Variants in ZC2HC1B observed in about 807,000 individuals in gnomAD.
ZC2HC1B encodes the protein zinc finger C2HC-type containing 1B, also known as zinc finger C2HC domain-containing protein 1B.
Under a neutral mutation model 31.0 loss-of-function variants are expected in ZC2HC1B, and 36 were observed. The observed-to-expected ratio is 1.16, with a 90% CI of 0.89 to 1.54. The LOEUF is 1.54. ZC2HC1B is among the 40% of genes most tolerant of loss of function. The pLI is 0.00. For synonymous variants in ZC2HC1B, 73 were observed against 88.0 expected, an observed-to-expected ratio of 0.83 and a Z score of 0.95; for missense variants, 260 against 268.6, an observed-to-expected ratio of 0.97 and a Z score of 0.22.
chr6:143,903,210 T>C lies in ZC2HC1B; in HGVS notation c.598+58T>C. The C allele has an allele frequency of 6.8e-7, 1 of 1,467,296 alleles. No individual in the cohort carries two copies. The highest frequency in any genetic ancestry group is 9.3e-7 in the Non-Finnish European group (1 of 1,070,204). 90.9% of individuals were successfully genotyped at this position (1,467,296 alleles called of 1,614,324 possible). On this transcript the variant is annotated intron_variant, in intron 6 of 7. Coordinates refer to ENST00000237275, the MANE Select transcript of ZC2HC1B (RefSeq NM_001013623.3). This position sits in a 1 kb window ranked among gnomAD's most constrained non-coding sequence, Gnocchi z 4.3. ...GATGGGGGTCAGAGGAGATCACTGTTGGGTTTGGGATTCACTGGTAGTCTG... is the reference window on the plus strand; with the variant it reads ...GATGGGGGTCAGAGGAGATCACTGTCGGGTTTGGGATTCACTGGTAGTCTG...
In ZC2HC1B at chr6:143,886,879, A is replaced by C; in HGVS notation, c.349+58A>C. ...ATGCTTGACTTTTGACCAAATCATCATGCCCTCTATGCACTCTGAAATTGA... is the reference window on the plus strand; with the variant it reads ...ATGCTTGACTTTTGACCAAATCATCCTGCCCTCTATGCACTCTGAAATTGA... On this transcript the variant is annotated intron_variant, in intron 4 of 7. Transcript: ENST00000237275. The surrounding 1 kb of genome is among the most constrained non-coding windows in gnomAD (Gnocchi z 4.2). The C allele has an allele frequency of 7.3e-7, 1 of 1,363,294 alleles. No individual in the cohort carries two copies. Among genetic ancestry groups the C allele is most frequent in the Non-Finnish European group, 9.6e-7 (1 of 1,041,932 alleles). 84.4% of individuals were successfully genotyped at this position (1,363,294 alleles called of 1,614,324 possible).
rs1374470237 is a variant in ZC2HC1B at position 143,921,172 on chromosome 6, A to G, written c.599-16477A>G. On this transcript the variant is annotated intron_variant, in intron 6 of 7. Coordinates refer to ENST00000237275, the MANE Select transcript of ZC2HC1B (RefSeq NM_001013623.3). This position sits in a 1 kb window ranked among gnomAD's most constrained non-coding sequence, Gnocchi z 6.1. ...AGTAATCTGCACTGCTCACTCATTC[A>G]CTTCCTTCAGTTCTTTGCTAAAGTG... 2.6e-5 allele frequency among the ~76,000 whole-genome samples: 4 copies of G among 152,048 alleles called. No homozygotes were observed. Among genetic ancestry groups the G allele is most frequent in the Non-Finnish European group, 5.9e-5 (4 of 68,016 alleles).
rs77891063 is a variant in ZC2HC1B at position 143,886,132 on chromosome 6, A to G, written c.191A>G (p.Lys64Arg). The G allele has an allele frequency of 6.5e-7, 1 of 1,546,514 alleles. No individual in the cohort carries two copies. Among genetic ancestry groups the G allele is most frequent in the Non-Finnish European group, 8.7e-7 (1 of 1,145,574 alleles). The change falls in exon 3 of 8, where the codon AAG becomes AGG. Residue 64 changes from lysine (K) to arginine (R), a missense_variant. Physicochemically the swap from Lys to Arg is conservative, Grantham distance 26 (BLOSUM62 2). Transcript: ENST00000237275. The surrounding 1 kb of genome is among the most constrained non-coding windows in gnomAD (Gnocchi z 4.2). The part of the protein sequence containing the change: ...RLQGTDIPTV[K>R]KTPQSKSPPV... ...CAGGGCACTGACATTCCTACTGTGA[A>G]GAAGACTCCACAATCCAAGGTACTC...
chr6:143,932,950 T>C (rs1040647785), intron 6 of ZC2HC1B, among the ~76,000 whole-genome samples: 4 of 152,186 alleles, frequency 2.6e-5, no homozygotes, highest in Non-Finnish European at 4.4e-5. Context: ...TACCAGGCTA[T>C]TGGCTGGTTC....
Position 143,919,213 on chromosome 6 carries a change from TTC to T in ZC2HC1B, c.598+16065_598+16066del, listed in dbSNP as rs1165272376. ...ATTCTCCCTTCTGCAGGGTTTGCTA[TTC>T]TCTGTGTGTGTGTGTGTGTGTGTGT... On this transcript the variant is annotated intron_variant, in intron 6 of 7. Coordinates refer to ENST00000237275, the MANE Select transcript of ZC2HC1B (RefSeq NM_001013623.3). Among the ~76,000 whole-genome samples, 775 of 125,328 alleles carry T rather than the reference TTC, an allele frequency of 6.2e-3. 11 individuals carry two copies. The highest frequency in any genetic ancestry group is 0.012 in the Middle Eastern group (3 of 258). 82.2% of individuals were successfully genotyped at this position (125,328 alleles called of 152,430 possible).
chr6:143,932,152 G>T (rs1385417341), intron 6 of ZC2HC1B, among the ~76,000 whole-genome samples: 3 of 152,180 alleles, frequency 2.0e-5, no homozygotes, highest in Non-Finnish European at 4.4e-5. Context: ...TGGGATTACA[G>T]ATGTGAGCTA....
chr6:143,936,683 G>A (rs1216379406), intron 6 of ZC2HC1B, among the ~76,000 whole-genome samples: 1 of 152,168 alleles, frequency 6.6e-6, no homozygotes, highest in Non-Finnish European at 1.5e-5. Flanking sequence ...TGTAGTTCTG[G>A]GATCTAGACC....
Position 143,937,698 on chromosome 6 carries a change from T to C in ZC2HC1B, c.648T>C (p.Ser216=). Residue 216 remains serine, a synonymous_variant, in exon 7 of 8, where the codon AGT becomes AGC. Coordinates refer to ENST00000237275, the MANE Select transcript of ZC2HC1B (RefSeq NM_001013623.3). ...GAGCAAAACTCAGACAAGGATTTAG[T>C]AAATCTTCTAAAAAAGATTAACTCC... The part of the protein sequence containing the change: ...ASGAKLRQGF[S]KSSKKD The C allele has an allele frequency of 6.4e-7, 1 of 1,551,050 alleles. No homozygotes were observed.
At chr6:143,898,424 G>C in intron 4 of ZC2HC1B, 128 bp from the exon 5 acceptor site, 1 of 1,211,066 alleles carries the variant, frequency 8.3e-7, no homozygotes, top group Non-Finnish European at 1.1e-6. Flanking sequence ...GCCTCACAGA[G>C]TGCTGGGATT....
At chr6:143,907,648 A>G (rs944600292) in intron 6 of ZC2HC1B, among the ~76,000 whole-genome samples, 12 of 152,070 alleles carry the variant, frequency 7.9e-5, no homozygotes, top group Non-Finnish European at 1.8e-4. Flanking sequence ...TTAAATTTGT[A>G]TAAGTTCCTT....
chr6:143,893,424 C>T (rs1777623823), intron 4 of ZC2HC1B, among the ~76,000 whole-genome samples: 1 of 151,918 alleles, frequency 6.6e-6, no homozygotes, highest in Admixed American at 6.6e-5. Context: ...AAAAATTAGC[C>T]AGGCATGGTG....
At chr6:143,893,177 T>C (rs1429034792) in intron 4 of ZC2HC1B, among the ~76,000 whole-genome samples, 1 of 152,138 alleles carries the variant, frequency 6.6e-6, no homozygotes, top group African/African-American at 2.4e-5. Context: ...CACAAAATAA[T>C]AGCCAATAGC....
rs79707787 is a variant in ZC2HC1B at position 143,880,158 on chromosome 6, C to A, written c.29-4146C>A. Among the ~76,000 whole-genome samples the A allele has an allele frequency of 2.8e-3, 431 of 152,130 alleles. 2 individuals carry two copies. The highest frequency in any genetic ancestry group is 6.8e-3 in the Middle Eastern group (2 of 294). On this transcript the variant is annotated intron_variant, in intron 1 of 7. Coordinates refer to ENST00000237275, the MANE Select transcript of ZC2HC1B (RefSeq NM_001013623.3). ...TTTATTTTTGATGTGTTAAACAAAG[C>A]TTTATCACTCCCAGATTACTTTCTG...
At chr6:143,892,652 C>T (rs1165238113) in intron 4 of ZC2HC1B, among the ~76,000 whole-genome samples, 1 of 152,166 alleles carries the variant, frequency 6.6e-6, no homozygotes, top group African/African-American at 2.4e-5. Flanking sequence ...AGAACTTACT[C>T]CTTAGCAAAA....
At chr6:143,936,244 A>G (rs1239473536) in intron 6 of ZC2HC1B, among the ~76,000 whole-genome samples, 3 of 152,218 alleles carry the variant, frequency 2.0e-5, no homozygotes, top group Non-Finnish European at 4.4e-5. Flanking sequence ...AAGTGAAGTT[A>G]CCATGCCAGT....
chr6:143,919,251 G>A (rs978212627), intron 6 of ZC2HC1B, among the ~76,000 whole-genome samples: 7 of 151,286 alleles, frequency 4.6e-5, no homozygotes, highest in Admixed American at 2.0e-4. Context: ...GTGTGTGTGT[G>A]TGTGTGTGTG....
intron 6 of ZC2HC1B, among the ~76,000 whole-genome samples, chr6:143,930,644 T>G (rs1179021498): frequency 6.6e-6 from 1 of 152,168 alleles, no homozygotes; most frequent in East Asian, 1.9e-4. Context: ...CCCAAAGTGC[T>G]GGGATTACAA....
rs550907228 is a variant in ZC2HC1B at position 143,911,016 on chromosome 6, G to T, written c.598+7864G>T. ...TATTCACCTGCCTCGGCCTCCCAAA[G>T]TGCTAGGATTACAGGCATGAGCCAC... On this transcript the variant is annotated intron_variant, in intron 6 of 7. Transcript: ENST00000237275. This position sits in a 1 kb window ranked among gnomAD's most constrained non-coding sequence, Gnocchi z 4.5. 6.6e-6 allele frequency among the ~76,000 whole-genome samples: 1 copy of T among 152,168 alleles called. No homozygotes were observed. Among genetic ancestry groups the T allele is most frequent in the Non-Finnish European group, 1.5e-5 (1 of 68,030 alleles).
At chr6:143,894,431 G>C (rs1242773022) in intron 4 of ZC2HC1B, among the ~76,000 whole-genome samples, 1 of 152,116 alleles carries the variant, frequency 6.6e-6, no homozygotes, top group Non-Finnish European at 1.5e-5. Flanking sequence ...AAAACTCATT[G>C]AACTGTACAT....
Sources: allele counts gnomAD v4.1 joint callset (sites outside exome capture counted in the v4.1 genomes callset), GRCh38; gene constraint gnomAD v4.1.1; non-coding constraint Gnocchi (gnomAD v3.1); transcripts MANE v1.5; gene names NCBI Gene and HGNC (gene_info 2026-07-23, HGNC 2026-07-21).